TNR: variants seen among roughly 807,000 people sequenced by gnomAD.
TNR encodes tenascin-R.
Under a neutral mutation model 150.4 loss-of-function variants are expected in TNR, and 45 were observed. The ratio of observed to expected loss-of-function variants is 0.30; its 90% CI spans 0.24 to 0.38. The LOEUF (loss-of-function observed/expected upper bound fraction) is 0.38, where lower values mean the gene tolerates loss of function less well. TNR is among the 10% of genes least tolerant of loss of function. The probability of loss-of-function intolerance (pLI) is 1.00; values close to 1 mark genes in which losing one functional copy is unlikely to be tolerated. For synonymous variants in TNR, 687 were observed against 678.4 expected (o/e 1.01, Z -0.20); for missense variants, 1,544 against 1,759.1 (o/e 0.88, Z 2.19).
Position 175,642,091 on chromosome 1 carries a change from A to G in TNR, c.-165+101135T>C, listed in dbSNP as rs149470522. Among the ~76,000 whole-genome samples the G allele has an allele frequency of 1.0e-3, 158 of 152,274 alleles. No individual in the cohort carries two copies. In the East Asian group the frequency reaches 0.024, roughly 23 times the overall value. ...CATCCTTTAAGGACACTCTGCCAGA[A>G]AAGTGAAGGGGCCTGCAACTCAGCC... On this transcript the variant is annotated intron_variant, in intron 1 of 22. Coordinates refer to ENST00000367674, the MANE Select transcript of TNR (RefSeq NM_003285.3).
intron 2 of TNR, 117 bp downstream of exon 2, chr1:175,528,152 C>A (rs780240359): frequency 6.6e-6 from 1 of 152,174 alleles, no homozygotes; most frequent in Non-Finnish European, 1.5e-5. Flanking sequence ...GGAGACTAGC[C>A]CCCAGGGTGT....
rs142673082 is a variant in TNR, at chr1:175,639,132, A to G, written c.-165+104094T>C. ...GGTGTCCCTGTTTCACTGCCTCATT[A>G]TAGTCTATATTCTACATAGTGGCCC... On this transcript the variant is annotated intron_variant, in intron 1 of 22. Coordinates refer to ENST00000367674, the MANE Select transcript of TNR (RefSeq NM_003285.3). Among the ~76,000 whole-genome samples the G allele has an allele frequency of 3.3e-5, 5 of 152,272 alleles. No individual in the cohort carries two copies. The East Asian group carries it at 5.8e-4, about 18-fold the overall frequency.
At chr1:175,355,426 G>A in intron 17 of TNR, 77 bp downstream of exon 17, 1 of 1,567,990 alleles carries the variant, frequency 6.4e-7, no homozygotes, top group African/African-American at 1.3e-5. Context: ...CCAATGTCCT[G>A]TGGTCACTCC....
At chr1:175,446,524 C>T (rs936525508) in intron 2 of TNR, among the ~76,000 whole-genome samples, 2 of 152,082 alleles carry the variant, frequency 1.3e-5, no homozygotes, top group Admixed American at 6.5e-5. Context: ...AGCTATATTG[C>T]TATGAAGATA....
In TNR at chr1:175,403,544, T is replaced by A. The variant is rs766381516; in HGVS notation, c.572A>T (p.Asn191Ile). Reference sequence around the variant, plus strand: ...GCAATTCTTGCCAAACCAGCCTTCGTTGCAGATGCAGCCACAGGACTCAAA... The same window carrying A: ...GCAATTCTTGCCAAACCAGCCTTCGATGCAGATGCAGCCACAGGACTCAAA... ...FSFESCGCIC[N>I]EGWFGKNCSE... is the part of the protein sequence containing the mutation. Residue 191 changes from asparagine (N) to isoleucine (I), a missense_variant, in exon 4 of 23, where the codon AAC becomes ATC. Physicochemically the swap from Asn to Ile is moderately radical, Grantham distance 149. Around this residue, in one of 2 missense-constraint regions of TNR, gnomAD observed 1,254 missense variants for 1,329.4 expected, o/e 0.94. Transcript: ENST00000367674. The A allele has an allele frequency of 5.6e-6, 9 of 1,614,188 alleles. No individual in the cohort carries two copies. Among genetic ancestry groups the A allele is most frequent in the Non-Finnish European group, 7.6e-6 (9 of 1,180,032 alleles).
At chr1:175,512,554 C>G (rs1388375740) in intron 2 of TNR, among the ~76,000 whole-genome samples, 1 of 152,214 alleles carries the variant, frequency 6.6e-6, no homozygotes, top group Non-Finnish European at 1.5e-5. Context: ...GCCCCTGAAC[C>G]TGGTGAAAAC....
chr1:175,610,963 T>G (rs975252843), intron 1 of TNR, among the ~76,000 whole-genome samples: 1 of 152,220 alleles, frequency 6.6e-6, no homozygotes, highest in Admixed American at 6.5e-5. Flanking sequence ...CATGGCTTGA[T>G]CACTGAGCCA....
chr1:175,637,867 A>T (rs1293123700), intron 1 of TNR, among the ~76,000 whole-genome samples: 1 of 152,184 alleles, frequency 6.6e-6, no homozygotes, highest in Non-Finnish European at 1.5e-5. Context: ...TGGCCTCATG[A>T]TCACCATCAG....
chr1:175,657,012 G>A (rs1665198470), intron 1 of TNR, among the ~76,000 whole-genome samples: 2 of 152,126 alleles, frequency 1.3e-5, no homozygotes, highest in Non-Finnish European at 2.9e-5. Flanking sequence ...GAAGATATAG[G>A]AGGTAAAGTG....
chr1:175,339,992 T>G (rs900198898), intron 18 of TNR, among the ~76,000 whole-genome samples: 3 of 152,208 alleles, frequency 2.0e-5, no homozygotes, highest in African/African-American at 7.2e-5. Flanking sequence ...ACAAATACAG[T>G]AAACTGAGAT....
chr1:175,320,925 C>G lies in TNR; in HGVS notation c.*2432G>C, dbSNP rs928524068. ...TCAGATCACAGATTAGCATCATTGA[C>G]CGTCAAAACTGAAAGGGAAATTAGA... On this transcript the variant is annotated 3_prime_UTR_variant, in exon 23 of 23. Coordinates refer to ENST00000367674, the MANE Select transcript of TNR (RefSeq NM_003285.3). The G allele has an allele frequency of 4.6e-5, 7 of 152,086 alleles. No homozygotes were observed. The highest frequency in any genetic ancestry group is 9.7e-5 in the African/African-American group (4 of 41,390). 9.4% of individuals were successfully genotyped at this position (152,086 alleles called of 1,614,324 possible).
At position 175,386,298 on chromosome 1, in the gene TNR, A is replaced by G. The variant is rs1380322764; in HGVS notation, c.1511T>C (p.Ile504Thr). Residue 504 changes from isoleucine (I) to threonine (T), a missense_variant, in exon 8 of 23, where the codon ATT becomes ACT. Around this residue, in one of 2 missense-constraint regions of TNR, gnomAD observed 1,254 missense variants for 1,329.4 expected, o/e 0.94. Coordinates refer to ENST00000367674, the MANE Select transcript of TNR (RefSeq NM_003285.3). ...AACCAGGATCTGCGTGGGGCCGTCA[A>G]TGACTGAGTGAGAAGGATCAAACAG... ...PPTSASVSTV[I>T]DGPTQILVRD... The G allele has an allele frequency of 6.4e-7, 1 of 1,554,630 alleles. No homozygotes were observed. The highest frequency in any genetic ancestry group is 2.3e-5 in the East Asian group (1 of 43,934).
chr1:175,628,882 G>A (rs1335873203), intron 1 of TNR, among the ~76,000 whole-genome samples: 2 of 152,184 alleles, frequency 1.3e-5, no homozygotes, highest in East Asian at 1.9e-4. Context: ...TGTGGCCATC[G>A]AGGTTAAGTC....
chr1:175,685,386 T>G (rs1468179996), intron 1 of TNR, among the ~76,000 whole-genome samples: 2 of 152,186 alleles, frequency 1.3e-5, no homozygotes, highest in Non-Finnish European at 2.9e-5. Context: ...CAATACTCAT[T>G]GCACACTGCT....
chr1:175,570,539 T>C (rs1008613429), intron 1 of TNR, among the ~76,000 whole-genome samples: 1 of 152,182 alleles, frequency 6.6e-6, no homozygotes, highest in African/African-American at 2.4e-5. Flanking sequence ...GGTACCAAGA[T>C]TGATATGTAA....
rs190199067 is a variant in TNR, at chr1:175,350,744, T to G, written c.3382+3647A>C. Among the ~76,000 whole-genome samples the G allele has an allele frequency of 1.2e-4, 19 of 152,352 alleles. No individual in the cohort carries two copies. In the East Asian group the frequency reaches 3.7e-3, roughly 29 times the overall value. On this transcript the variant is annotated intron_variant, in intron 18 of 22. Transcript: ENST00000367674. ...CAGTTCTTTTCTTTTCTTCTCTTTT[T>G]TAGTTTTATTATTACTTTTTGACAT...
At chr1:175,532,969 C>T (rs1166001204) in intron 1 of TNR, among the ~76,000 whole-genome samples, 1 of 152,078 alleles carries the variant, frequency 6.6e-6, no homozygotes, top group South Asian at 2.1e-4. Context: ...GCAGGTTAGC[C>T]CCATTTAATG....
At chr1:175,568,767 G>T (rs1421321268) in intron 1 of TNR, among the ~76,000 whole-genome samples, 1 of 152,156 alleles carries the variant, frequency 6.6e-6, no homozygotes, top group Non-Finnish European at 1.5e-5. Context: ...CCTCCTCTTA[G>T]GGACTTGAGA....
intron 20 of TNR, among the ~76,000 whole-genome samples, chr1:175,331,027 TTC>T (rs779306325): frequency 4.0e-4 from 27 of 68,166 alleles, no homozygotes; most frequent in Non-Finnish European, 6.9e-4. Context: ...CTTTCTTTCT[TTC>T]TTTCTTTCTT....
Sources: allele counts gnomAD v4.1 joint callset (sites outside exome capture counted in the v4.1 genomes callset), GRCh38; gene constraint gnomAD v4.1.1; regional missense constraint gnomAD v4.1.1; transcripts MANE v1.5; gene names NCBI Gene and HGNC (gene_info 2026-07-23, HGNC 2026-07-21).